Variants in GNA14 observed in about 807,000 individuals in gnomAD.
GNA14 encodes G protein subunit alpha 14.
In GNA14, 50 loss-of-function variants were observed where a neutral mutation model predicts 42.0. The ratio of observed to expected loss-of-function variants is 1.19; its 90% CI spans 0.95 to 1.51. The LOEUF is 1.51. GNA14 is among the 40% of genes most tolerant of loss of function. The pLI is 0.00. For missense variants in GNA14, 473 were observed against 446.2 expected, an observed-to-expected ratio of 1.06 and a Z score of -0.54; for synonymous variants, 173 against 163.1, an observed-to-expected ratio of 1.06 and a Z score of -0.46.
At chr9:77,616,330 G>T (rs754061107) in intron 1 of GNA14, among the ~76,000 whole-genome samples, 2 of 152,192 alleles carry the variant, frequency 1.3e-5, no homozygotes, top group East Asian at 3.9e-4. Context: ...AAAAGATTTG[G>T]CAATGCTAAT....
chr9:77,500,978 C>G (rs889264986), intron 2 of GNA14, among the ~76,000 whole-genome samples: 2 of 148,790 alleles, frequency 1.3e-5, no homozygotes, highest in African/African-American at 5.1e-5. Flanking sequence ...TTTTTTGAGA[C>G]AGAATCTCGC....
At position 77,532,120 on chromosome 9, in the gene GNA14, A is replaced by AT. The variant is rs113622257; in HGVS notation, c.125-2868dup. On this transcript the variant is annotated intron_variant, in intron 1 of 6. Coordinates refer to ENST00000341700, the MANE Select transcript of GNA14 (RefSeq NM_004297.4). The stretch of plus-strand genomic sequence containing the variant: ...AGCCTCAGCATCACCCAGCTAGTGT[A>AT]TTTTTTTTTTCCAGAAGGGAAATGG... 5.5e-3 allele frequency among the ~76,000 whole-genome samples: 830 copies of AT among 150,010 alleles called. 9 individuals are homozygous for AT. Among genetic ancestry groups the AT allele is most frequent in the African/African-American group, 0.019 (759 of 40,922 alleles).
chr9:77,555,089 A>G (rs1822753816), intron 1 of GNA14, among the ~76,000 whole-genome samples: 1 of 152,162 alleles, frequency 6.6e-6, no homozygotes, highest in Non-Finnish European at 1.5e-5. Flanking sequence ...GATACTATGG[A>G]ATTACTGTGG....
intron 2 of GNA14, among the ~76,000 whole-genome samples, chr9:77,516,169 A>C (rs1564038986): frequency 6.6e-6 from 1 of 152,110 alleles, no homozygotes; most frequent in South Asian, 2.1e-4. Flanking sequence ...GAAGCTTTGT[A>C]ATATCAGACT....
At chr9:77,462,606 G>A (rs1807185) in intron 2 of GNA14, among the ~76,000 whole-genome samples, 17,557 of 151,584 alleles carry the variant, frequency 0.12, 1,320 homozygotes, top group African/African-American at 0.22. Flanking sequence ...CTGTAATCCC[G>A]GCTACTCGGG....
At chr9:77,530,403 C>T (rs1369520373) in intron 1 of GNA14, among the ~76,000 whole-genome samples, 3 of 152,248 alleles carry the variant, frequency 2.0e-5, no homozygotes, top group South Asian at 2.1e-4. Context: ...CCCCAGAAGC[C>T]GAGCAGATGT....
chr9:77,427,324 TAAAA>T (rs10710907), intron 5 of GNA14, among the ~76,000 whole-genome samples: 2 of 146,938 alleles, frequency 1.4e-5, no homozygotes, highest in Admixed American at 6.7e-5. Flanking sequence ...GTCTTGCCTT[TAAAA>T]AAAAAAAAAA....
chr9:77,515,012 A>G (rs1170670996), intron 2 of GNA14, among the ~76,000 whole-genome samples: 2 of 152,198 alleles, frequency 1.3e-5, no homozygotes, highest in African/African-American at 4.8e-5. Context: ...GTGAGATGAC[A>G]GTGAGGCCTG....
rs1474436010 is a variant in GNA14, at chr9:77,608,736, T to TTTTTG, written c.124+38933_124+38934insCAAAA. Among the ~76,000 whole-genome samples the TTTTTG allele has an allele frequency of 3.3e-5, 5 of 150,398 alleles. No individual in the cohort carries two copies. In the East Asian group the frequency reaches 6.4e-4, roughly 19 times the overall value. On this transcript the variant is annotated intron_variant, in intron 1 of 6. Coordinates refer to ENST00000341700, the MANE Select transcript of GNA14 (RefSeq NM_004297.4). ...ATGTACGAAGCCCAATATCCTGTTT[T>TTTTTG]TTTTTTTTTTTGCTTTTTAATAATT...
chr9:77,626,148 C>CA (rs1824009178), intron 1 of GNA14, among the ~76,000 whole-genome samples: 1 of 151,968 alleles, frequency 6.6e-6, no homozygotes, highest in South Asian at 2.1e-4. Context: ...CAAATAAGGG[C>CA]ATTACATAAT....
At chr9:77,491,146 GAAAGAT>G (rs1836767437) in intron 2 of GNA14, among the ~76,000 whole-genome samples, 1 of 152,130 alleles carries the variant, frequency 6.6e-6, no homozygotes, top group African/African-American at 2.4e-5. Flanking sequence ...AAATATGAAA[GAAAGAT>G]AAAGTCTTTC....
At chr9:77,547,495 C>T (rs954170922) in intron 1 of GNA14, among the ~76,000 whole-genome samples, 11 of 152,164 alleles carry the variant, frequency 7.2e-5, no homozygotes, top group African/African-American at 2.2e-4. Context: ...GCCTCCAAGG[C>T]GTAAGGAAGC....
In GNA14 at chr9:77,434,535, AAG is replaced by A; in HGVS notation, c.310-15_310-14del. 6.2e-7 allele frequency: 1 copy of A among 1,610,360 alleles called. No homozygotes were observed. Among genetic ancestry groups the A allele is most frequent in the Non-Finnish European group, 8.5e-7 (1 of 1,177,924 alleles). ...TCTGGGCATTTTCCTACTCAAAGGA[AAG>A]AGAACCTTGCATCAGGCAAAGGAAA... On this transcript the variant is annotated splice_polypyrimidine_tract_variant and intron_variant, in intron 2 of 6. Coordinates refer to ENST00000341700, the MANE Select transcript of GNA14 (RefSeq NM_004297.4).
chr9:77,542,736 G>A (rs1356954526), intron 1 of GNA14, among the ~76,000 whole-genome samples: 1 of 152,206 alleles, frequency 6.6e-6, no homozygotes, highest in African/African-American at 2.4e-5. Context: ...TGCCAGCTGT[G>A]GTGGTATCAG....
At chr9:77,459,368 A>C (rs1836066176) in intron 2 of GNA14, among the ~76,000 whole-genome samples, 1 of 152,228 alleles carries the variant, frequency 6.6e-6, no homozygotes, top group Admixed American at 6.5e-5. Flanking sequence ...GCCCAAGCCC[A>C]GCCTGCCCTC....
intron 2 of GNA14, among the ~76,000 whole-genome samples, chr9:77,441,333 A>G (rs1835730497): frequency 6.6e-6 from 1 of 152,024 alleles, no homozygotes; most frequent in Admixed American, 6.5e-5. Flanking sequence ...CCCTCTTCAC[A>G]TGCGCACACT....
At chr9:77,489,990 T>G (rs1836734744) in intron 2 of GNA14, among the ~76,000 whole-genome samples, 1 of 152,156 alleles carries the variant, frequency 6.6e-6, no homozygotes, top group Non-Finnish European at 1.5e-5. Flanking sequence ...GCAGCCTGTT[T>G]TCTCAGGGCG....
intron 1 of GNA14, among the ~76,000 whole-genome samples, chr9:77,548,379 TGATTAC>T (rs1183737806): frequency 3.3e-5 from 5 of 152,302 alleles, no homozygotes; most frequent in African/African-American, 1.2e-4. Context: ...CAGCTTGACT[TGATTAC>T]ATCTACAGAG....
intron 1 of GNA14, among the ~76,000 whole-genome samples, chr9:77,532,311 C>T (rs186059259): frequency 7.4e-4 from 113 of 152,304 alleles, no homozygotes; most frequent in Admixed American, 2.0e-3. Context: ...TGGTCTCATC[C>T]ATCGCTCCCA....
Sources: gnomAD v4.1 joint callset for allele counts (sites outside exome capture counted in the v4.1 genomes callset) on GRCh38, gnomAD v4.1.1 for gene constraint, MANE v1.5 for transcripts, NCBI Gene and HGNC (gene_info 2026-07-23, HGNC 2026-07-21) for gene names.